THSD4: variants seen among roughly 807,000 people sequenced by gnomAD.
THSD4 encodes the protein thrombospondin type-1 domain-containing protein 4.
A neutral mutation model predicts 119.0 loss-of-function variants in THSD4; 69 were observed. The observed-to-expected ratio is 0.58, with a 90% confidence interval of 0.48 to 0.71. The LOEUF is 0.71. Ranked by LOEUF, THSD4 falls within the 30% of genes least tolerant of loss-of-function variation. The probability of loss-of-function intolerance (pLI) is 0.00; values close to 1 mark genes in which losing one functional copy is unlikely to be tolerated. For missense variants in THSD4, 1,393 were observed against 1,391.1 expected, an observed-to-expected ratio of 1.00 and a Z score of -0.02; for synonymous variants, 524 against 540.4, an observed-to-expected ratio of 0.97 and a Z score of 0.42.
chr15:71,199,705 T>TGTGATGCATGTGTGTGTGGTGCATGTGTG (rs1567154802), intron 3 of THSD4, among the ~76,000 whole-genome samples: 2 of 13,472 alleles, frequency 1.5e-4, no homozygotes, highest in African/African-American at 4.2e-4. Context: ...GTGTGGTGTC[T>TGTGATGCATGTGTGTGTGGTGCATGTGTG]GGGTGTGTGG....
At chr15:71,601,847 A>G (rs911397683) in intron 7 of THSD4, among the ~76,000 whole-genome samples, 5 of 152,262 alleles carry the variant, frequency 3.3e-5, no homozygotes, top group Non-Finnish European at 5.9e-5. Context: ...TGTATGTGCC[A>G]CAAAGCAGTA....
At chr15:71,484,335 G>C (rs532549037) in intron 7 of THSD4, among the ~76,000 whole-genome samples, 1 of 152,294 alleles carries the variant, frequency 6.6e-6, no homozygotes, top group Admixed American at 6.5e-5. Context: ...GTTTTCATGA[G>C]TAAGATCTGA....
intron 7 of THSD4, among the ~76,000 whole-genome samples, chr15:71,600,834 C>T (rs975977009): frequency 2.0e-5 from 3 of 151,804 alleles, no homozygotes; most frequent in East Asian, 3.9e-4. Flanking sequence ...GAAACCTCCA[C>T]CTCCCGGGTT....
At chr15:71,267,518 G>A (rs80026064) in intron 6 of THSD4, among the ~76,000 whole-genome samples, 24,460 of 152,118 alleles carry the variant, frequency 0.16, 2,109 homozygotes, top group Admixed American at 0.25. Context: ...ATACCAAATT[G>A]TAAAGAACAT....
chr15:71,404,038 A>ATGAT (rs2046573744), intron 6 of THSD4, among the ~76,000 whole-genome samples: 1 of 152,196 alleles, frequency 6.6e-6, no homozygotes, highest in Non-Finnish European at 1.5e-5. Flanking sequence ...TATTTATTTG[A>ATGAT]TGATTTCCTG....
upstream of THSD4, chr15:71,110,919 TC>T (rs1458707303): frequency 1.1e-5 from 6 of 553,924 alleles, no homozygotes; most frequent in Non-Finnish European, 1.9e-5. Flanking sequence ...ATGCCGTAGA[TC>T]TCCATTGTCT....
chr15:71,188,210 G>A (rs1339020815), intron 3 of THSD4, among the ~76,000 whole-genome samples: 1 of 152,172 alleles, frequency 6.6e-6, no homozygotes, highest in African/African-American at 2.4e-5. Context: ...CATTGAGGCT[G>A]AGAGTGATAG....
At chr15:71,621,576 T>C (rs2050419083) in intron 7 of THSD4, among the ~76,000 whole-genome samples, 1 of 152,230 alleles carries the variant, frequency 6.6e-6, no homozygotes, top group Non-Finnish European at 1.5e-5. Context: ...CATTGGAGTG[T>C]TAAGTTATTG....
chr15:71,609,152 T>C (rs1595783514), intron 7 of THSD4, among the ~76,000 whole-genome samples: 1 of 152,326 alleles, frequency 6.6e-6, no homozygotes, highest in East Asian at 1.9e-4. Flanking sequence ...AGAGCATGTA[T>C]GAACTGAAGA....
chr15:71,731,537 G>C, intron 10 of THSD4: 1 of 299,010 alleles, frequency 3.3e-6, no homozygotes, highest in Non-Finnish European at 6.6e-6. Context: ...CTAGCACTCT[G>C]GGAGGCCGAC....
intron 7 of THSD4, among the ~76,000 whole-genome samples, chr15:71,636,422 C>CA (rs967380878): frequency 6.0e-4 from 90 of 150,780 alleles, no homozygotes; most frequent in Non-Finnish European, 5.8e-4. Flanking sequence ...GACTCTGTCT[C>CA]AAAAAAAAGA....
At chr15:71,108,465 A>G (rs796891104) in intron 1 of THSD4, among the ~76,000 whole-genome samples, 4 of 152,300 alleles carry the variant, frequency 2.6e-5, no homozygotes, top group African/African-American at 9.6e-5. Context: ...TTTAACATGT[A>G]TGATATTTGG....
intron 1 of THSD4, among the ~76,000 whole-genome samples, chr15:71,102,447 TTAGA>T (rs2040257344): frequency 6.6e-6 from 1 of 152,232 alleles, no homozygotes. Context: ...GTTGTTCAGA[TTAGA>T]TAATTTCTAT....
chr15:71,682,073 T>G (rs2051794205), intron 8 of THSD4, among the ~76,000 whole-genome samples: 1 of 152,124 alleles, frequency 6.6e-6, no homozygotes, highest in African/African-American at 2.4e-5. Context: ...CGACCCCCCC[T>G]GGAAAGGATG....
intron 5 of THSD4, among the ~76,000 whole-genome samples, chr15:71,244,013 T>C (rs2044177708): frequency 6.6e-6 from 1 of 151,524 alleles, no homozygotes; most frequent in African/African-American, 2.4e-5. Context: ...TTTCGATCTC[T>C]TGACCTTGTG....
chr15:71,461,311 G>A (rs2047425597), intron 7 of THSD4, among the ~76,000 whole-genome samples: 1 of 152,198 alleles, frequency 6.6e-6, no homozygotes, highest in South Asian at 2.1e-4. Context: ...ACTTCCCCAG[G>A]TGATCTAAGA....
intron 6 of THSD4, among the ~76,000 whole-genome samples, chr15:71,268,335 A>G (rs2044486680): frequency 6.6e-6 from 1 of 152,242 alleles, no homozygotes; most frequent in South Asian, 2.1e-4. Flanking sequence ...TGGAAACTGA[A>G]CAACCTTCTC....
intron 3 of THSD4, among the ~76,000 whole-genome samples, chr15:71,189,738 G>C (rs906875551): frequency 3.3e-5 from 5 of 152,158 alleles, no homozygotes; most frequent in African/African-American, 1.2e-4. Context: ...TCCTGGTGGA[G>C]CTTAAGAATC....
intron 7 of THSD4, among the ~76,000 whole-genome samples, chr15:71,600,785 A>G (rs1399469120): frequency 6.9e-6 from 1 of 145,356 alleles, no homozygotes; most frequent in Non-Finnish European, 1.5e-5. Flanking sequence ...TCTGTCGCCT[A>G]GGCTGGACTG....
Sources: allele counts gnomAD v4.1 joint callset (sites outside exome capture counted in the v4.1 genomes callset), GRCh38; gene constraint gnomAD v4.1.1; transcripts MANE v1.5; gene names NCBI Gene and HGNC (gene_info 2026-07-23, HGNC 2026-07-21).